PTPRD: variants seen among roughly 807,000 people sequenced by gnomAD.
PTPRD encodes the protein protein tyrosine phosphatase receptor type D.
A neutral mutation model predicts 214.5 loss-of-function variants in PTPRD; 34 were observed. The observed-to-expected ratio is 0.16, with a 90% CI of 0.12 to 0.21. PTPRD has a LOEUF of 0.21. PTPRD is among the 10% of genes least tolerant of loss of function. PTPRD has a pLI of 1.00. For missense variants in PTPRD, 2,545 were observed against 2,398.7 expected, an observed-to-expected ratio of 1.06 and a Z score of -1.27; for synonymous variants, 1,128 against 845.7, an observed-to-expected ratio of 1.33 and a Z score of -5.79.
At position 10,056,391 on chromosome 9, in the gene PTPRD, T is replaced by C. The variant is rs138539536; in HGVS notation, c.-544-22601A>G. Among the ~76,000 whole-genome samples the C allele has an allele frequency of 1.6e-3, 237 of 151,112 alleles. 1 individual carries two copies. The Middle Eastern group carries it at 0.021, about 13-fold the overall frequency. Reference sequence around the variant, plus strand: ...TGCACCTTTCTTCAGGTGCAAAAAGTATCAATAAAAGATACCCACAGGAGG... The same window carrying C: ...TGCACCTTTCTTCAGGTGCAAAAAGCATCAATAAAAGATACCCACAGGAGG... On this transcript the variant is annotated intron_variant, in intron 3 of 45. Transcript: ENST00000381196.
At chr9:10,554,042 A>G (rs1236629602) in intron 2 of PTPRD, among the ~76,000 whole-genome samples, 1 of 152,164 alleles carries the variant, frequency 6.6e-6, no homozygotes, top group South Asian at 2.1e-4. Context: ...CCTGATTTCC[A>G]TACAAGAACA....
intron 14 of PTPRD, among the ~76,000 whole-genome samples, chr9:8,631,288 C>T (rs2096244017): frequency 6.6e-6 from 1 of 151,838 alleles, no homozygotes; most frequent in African/African-American, 2.4e-5. Flanking sequence ...TTAGACCATT[C>T]CTTCCTTTCC....
At chr9:8,484,913 G>C (rs569836878) in intron 29 of PTPRD, among the ~76,000 whole-genome samples, 20 of 152,230 alleles carry the variant, frequency 1.3e-4, no homozygotes, top group Non-Finnish European at 1.8e-4. Flanking sequence ...AATATAAATA[G>C]GTAGAAACCA....
chr9:9,854,732 C>T (rs1444674237), intron 5 of PTPRD, among the ~76,000 whole-genome samples: 1 of 152,002 alleles, frequency 6.6e-6, no homozygotes, highest in Non-Finnish European at 1.5e-5. Flanking sequence ...TTCATCTTTT[C>T]AGCAAAGCCA....
chr9:9,575,938 C>T (rs551443289), intron 7 of PTPRD, among the ~76,000 whole-genome samples: 2 of 151,962 alleles, frequency 1.3e-5, no homozygotes, highest in South Asian at 4.2e-4. Flanking sequence ...AATATTTAAC[C>T]TCTGCCCTCA....
intron 11 of PTPRD, among the ~76,000 whole-genome samples, chr9:8,734,839 A>T (rs546941598): frequency 4.6e-5 from 7 of 152,246 alleles, no homozygotes; most frequent in Non-Finnish European, 1.0e-4. Context: ...TATAAAAGAT[A>T]GGATCAAGAC....
intron 11 of PTPRD, among the ~76,000 whole-genome samples, chr9:8,896,649 A>C (rs1425095645): frequency 6.6e-6 from 1 of 152,192 alleles, no homozygotes; most frequent in Non-Finnish European, 1.5e-5. Context: ...CTGAGATAAT[A>C]TCATCCCATA....
intron 2 of PTPRD, among the ~76,000 whole-genome samples, chr9:10,398,151 A>G (rs2154494379): frequency 6.6e-6 from 1 of 151,676 alleles, no homozygotes; most frequent in African/African-American, 2.4e-5. Flanking sequence ...GGTGGAGGCC[A>G]GAGGAGTGCT....
chr9:10,582,670 G>C (rs1322283), intron 2 of PTPRD, among the ~76,000 whole-genome samples: 5,721 of 152,130 alleles, frequency 0.038, 152 homozygotes, highest in East Asian at 0.098. Context: ...CTTATGAAGT[G>C]CTCCTTATGC....
intron 11 of PTPRD, among the ~76,000 whole-genome samples, chr9:8,862,934 G>A (rs111526392): frequency 0.042 from 6,325 of 151,330 alleles, 321 homozygotes; most frequent in African/African-American, 0.11. Flanking sequence ...TGGTGGGGGG[G>A]AGGGAGAGCA....
intron 3 of PTPRD, among the ~76,000 whole-genome samples, chr9:10,337,459 C>T (rs948769170): frequency 2.0e-5 from 3 of 151,710 alleles, no homozygotes; most frequent in Admixed American, 6.6e-5. Flanking sequence ...GTGAACAAAA[C>T]AGAGATAGTA....
At chr9:8,621,404 G>A (rs1344360442) in intron 14 of PTPRD, among the ~76,000 whole-genome samples, 2 of 151,936 alleles carry the variant, frequency 1.3e-5, no homozygotes, top group Non-Finnish European at 2.9e-5. Flanking sequence ...AAATTTGTTT[G>A]TTTTTAAATA....
At chr9:8,516,350 T>C (rs1169604703) in intron 21 of PTPRD, among the ~76,000 whole-genome samples, 1 of 152,150 alleles carries the variant, frequency 6.6e-6, no homozygotes, top group Non-Finnish European at 1.5e-5. Context: ...GTGAGACATA[T>C]TTTTATAGCT....
At chr9:10,235,427 G>C (rs1057087621) in intron 3 of PTPRD, among the ~76,000 whole-genome samples, 1 of 151,952 alleles carries the variant, frequency 6.6e-6, no homozygotes, top group African/African-American at 2.4e-5. Flanking sequence ...GGACGCTAAA[G>C]AGTATAGCTA....
intron 7 of PTPRD, among the ~76,000 whole-genome samples, chr9:9,651,701 C>T (rs1227341013): frequency 2.0e-5 from 3 of 151,828 alleles, no homozygotes; most frequent in African/African-American, 4.8e-5. Flanking sequence ...CTGCAATGAA[C>T]ATATGTGTAC....
chr9:10,142,506 CA>C (rs1331703066), intron 3 of PTPRD, among the ~76,000 whole-genome samples: 1 of 152,000 alleles, frequency 6.6e-6, no homozygotes, highest in African/African-American at 2.4e-5. Context: ...TTTATGCATC[CA>C]AAAAACACAT....
chr9:9,208,020 C>CTT lies in PTPRD; in HGVS notation c.-202-24659_-202-24658dup, dbSNP rs749709602. The stretch of plus-strand genomic sequence containing the variant: ...TGGTATGGCTATTCATATATATCTG[C>CTT]TTTTTTTTTTTTTTTTTGAGACAGA... On this transcript the variant is annotated intron_variant, in intron 9 of 45. Coordinates refer to ENST00000381196, the MANE Select transcript of PTPRD (RefSeq NM_002839.4). Among the ~76,000 whole-genome samples the CTT allele has an allele frequency of 6.0e-3, 319 of 53,266 alleles. 106 individuals are homozygous for CTT. Among genetic ancestry groups the CTT allele is most frequent in the Non-Finnish European group, 0.01 (267 of 26,208 alleles). The allele number at this position is 53,266 out of a possible 152,430, so 34.9% of individuals were successfully genotyped here.
At chr9:9,388,694 A>T (rs1569567909) in intron 9 of PTPRD, among the ~76,000 whole-genome samples, 1 of 152,194 alleles carries the variant, frequency 6.6e-6, no homozygotes, top group Non-Finnish European at 1.5e-5. Context: ...GAAATCTGCC[A>T]TAAAAAAATT....
At chr9:10,238,470 C>T (rs1460647439) in intron 3 of PTPRD, among the ~76,000 whole-genome samples, 2 of 151,888 alleles carry the variant, frequency 1.3e-5, no homozygotes, top group Admixed American at 1.3e-4. Context: ...TTTGGACATA[C>T]CAAAGATCAT....
Sources: gnomAD v4.1 joint callset for allele counts (sites outside exome capture counted in the v4.1 genomes callset) on GRCh38, gnomAD v4.1.1 for gene constraint, MANE v1.5 for transcripts, NCBI Gene and HGNC (gene_info 2026-07-23, HGNC 2026-07-21) for gene names.